CSMD1: variants seen among roughly 807,000 people sequenced by gnomAD.
CSMD1 encodes CUB and sushi domain-containing protein 1.
A neutral mutation model predicts 417.5 loss-of-function variants in CSMD1; 213 were observed. That is an observed-to-expected ratio of 0.51 (90% CI 0.46 to 0.57). The LOEUF (loss-of-function observed/expected upper bound fraction) is 0.57, where lower values mean the gene tolerates loss of function less well. CSMD1 is among the 20% of genes least tolerant of loss of function. CSMD1 has a pLI of 0.00. For missense variants in CSMD1, 6,923 were observed against 4,529.7 expected, an observed-to-expected ratio of 1.53 and a Z score of -15.17; for synonymous variants, 2,862 against 1,736.8, an observed-to-expected ratio of 1.65 and a Z score of -16.11.
chr8:3,850,661 C>G (rs1472808141), intron 5 of CSMD1, among the ~76,000 whole-genome samples: 1 of 152,056 alleles, frequency 6.6e-6, no homozygotes, highest in African/African-American at 2.4e-5. Flanking sequence ...CACCACTGCA[C>G]TCCAGCCTGG....
intron 64 of CSMD1, 96 bp downstream of exon 64, chr8:2,955,493 A>T: frequency 8.3e-7 from 1 of 1,198,800 alleles, no homozygotes; most frequent in Non-Finnish European, 1.2e-6. Flanking sequence ...TCATGCTCTT[A>T]CTTATGGGTC....
At chr8:3,202,462 G>C (rs1351700385) in intron 31 of CSMD1, among the ~76,000 whole-genome samples, 3 of 152,126 alleles carry the variant, frequency 2.0e-5, no homozygotes, top group Non-Finnish European at 2.9e-5. Context: ...CCTCCTCCAA[G>C]TGAAACATAA....
intron 1 of CSMD1, among the ~76,000 whole-genome samples, chr8:4,926,612 A>G (rs1330467325): frequency 3.3e-5 from 5 of 152,234 alleles, no homozygotes; most frequent in Admixed American, 6.5e-5. Context: ...TGGAATAAAA[A>G]GCATGTATAT....
At chr8:3,835,365 A>G (rs1367189124) in intron 5 of CSMD1, among the ~76,000 whole-genome samples, 1 of 152,142 alleles carries the variant, frequency 6.6e-6, no homozygotes, top group East Asian at 1.9e-4. Context: ...TGGTCCATAT[A>G]CACCATGGAA....
chr8:4,453,283 AT>A (rs1325891964), intron 2 of CSMD1, among the ~76,000 whole-genome samples: 1 of 151,878 alleles, frequency 6.6e-6, no homozygotes, highest in African/African-American at 2.4e-5. Flanking sequence ...CAAAACATGA[AT>A]TTACACTCCC....
chr8:4,686,702 A>AC (rs1199758727), intron 1 of CSMD1, among the ~76,000 whole-genome samples: 1 of 152,218 alleles, frequency 6.6e-6, no homozygotes, highest in Non-Finnish European at 1.5e-5. Flanking sequence ...CATATTACAT[A>AC]AATTTGTAGG....
intron 5 of CSMD1, among the ~76,000 whole-genome samples, chr8:3,782,075 T>G (rs988303281): frequency 2.6e-5 from 4 of 152,160 alleles, no homozygotes; most frequent in African/African-American, 9.7e-5. Context: ...AAGGAGAGTT[T>G]GATAAAATAA....
intron 7 of CSMD1, among the ~76,000 whole-genome samples, chr8:3,665,383 G>C (rs1005084794): frequency 6.6e-6 from 1 of 152,018 alleles, no homozygotes; most frequent in Non-Finnish European, 1.5e-5. Flanking sequence ...ACAAAAATTA[G>C]CCAGGTGTGG....
chr8:3,230,208 C>A lies in CSMD1; in HGVS notation c.4177G>T (p.Asp1393Tyr), dbSNP rs779702652. 3.7e-6 allele frequency: 6 copies of A among 1,601,894 alleles called. No homozygotes were observed. The highest frequency in any genetic ancestry group is 1.1e-5 in the South Asian group (1 of 89,420). The change falls in exon 27 of 70, where the codon GAT becomes TAT. Residue 1393 changes from aspartate to tyrosine, a missense_variant. Asp to Tyr is a radical substitution (Grantham distance 160). Coordinates refer to ENST00000635120, the MANE Select transcript of CSMD1 (RefSeq NM_033225.6). ...GTGCCATTTTGGGGCATACCTGGAT[C>A]GTTACAGGTGGCTGCAATTGAGGCT... ...FSTSIAATCNDPGMPQNGTRY... is the reference protein window; with the variant it reads ...FSTSIAATCNYPGMPQNGTRY...
chr8:3,487,767 C>T (rs537869287), intron 11 of CSMD1, among the ~76,000 whole-genome samples: 3 of 152,224 alleles, frequency 2.0e-5, no homozygotes, highest in South Asian at 4.1e-4. Flanking sequence ...TGGAAGCTTA[C>T]AAATTACACT....
At chr8:3,183,446 AATCT>A (rs1163623034) in intron 36 of CSMD1, among the ~76,000 whole-genome samples, 3 of 110,288 alleles carry the variant, frequency 2.7e-5, no homozygotes, top group Non-Finnish European at 1.8e-5. Context: ...TCTAACGCCT[AATCT>A]ATCTATCCCT....
chr8:3,418,748 A>T (rs990727265), intron 12 of CSMD1, among the ~76,000 whole-genome samples: 3 of 152,168 alleles, frequency 2.0e-5, no homozygotes, highest in Non-Finnish European at 2.9e-5. Context: ...CAAATTGGTG[A>T]TCATGCAGAC....
chr8:4,272,157 T>C (rs915450399), intron 3 of CSMD1, among the ~76,000 whole-genome samples: 6 of 152,136 alleles, frequency 3.9e-5, no homozygotes, highest in Non-Finnish European at 5.9e-5. Context: ...TAGATTAATC[T>C]CAGCATGCTG....
chr8:4,116,408 A>C (rs1285154547), intron 3 of CSMD1, among the ~76,000 whole-genome samples: 2 of 151,868 alleles, frequency 1.3e-5, no homozygotes, highest in African/African-American at 4.8e-5. Context: ...AATGAACCCT[A>C]ACGTAAGCTG....
intron 3 of CSMD1, among the ~76,000 whole-genome samples, chr8:4,092,602 T>G (rs1306384424): frequency 6.6e-6 from 1 of 152,230 alleles, no homozygotes; most frequent in African/African-American, 2.4e-5. Flanking sequence ...GCATATCATC[T>G]TAAGCAATTA....
chr8:4,044,677 G>A (rs1014598106), intron 3 of CSMD1, among the ~76,000 whole-genome samples: 2 of 152,144 alleles, frequency 1.3e-5, no homozygotes, highest in Non-Finnish European at 2.9e-5. Context: ...TACCACCCTG[G>A]CCACCTACAA....
chr8:4,514,156 T>C (rs1802985737), intron 2 of CSMD1, among the ~76,000 whole-genome samples: 1 of 152,126 alleles, frequency 6.6e-6, no homozygotes, highest in Non-Finnish European at 1.5e-5. Flanking sequence ...TGGTGAGAGC[T>C]CTCTTCCTGG....
chr8:3,080,514 CACAG>C (rs1193443363), intron 49 of CSMD1, among the ~76,000 whole-genome samples: 2 of 152,172 alleles, frequency 1.3e-5, no homozygotes, highest in Admixed American at 1.3e-4. Context: ...TCTTCTCACT[CACAG>C]ACAATTGGTA....
chr8:4,204,442 T>G (rs1799857636), intron 3 of CSMD1, among the ~76,000 whole-genome samples: 1 of 152,190 alleles, frequency 6.6e-6, no homozygotes, highest in Non-Finnish European at 1.5e-5. Flanking sequence ...AAAACCACTT[T>G]TCCTTCATGA....
Sources: allele counts gnomAD v4.1 joint callset (sites outside exome capture counted in the v4.1 genomes callset), GRCh38; gene constraint gnomAD v4.1.1; transcripts MANE v1.5; gene names NCBI Gene and HGNC (gene_info 2026-07-23, HGNC 2026-07-21).